Variants in EML1 observed in about 807,000 individuals in gnomAD.
EML1 encodes EMAP like 1.
A neutral mutation model predicts 110.4 loss-of-function variants in EML1; 27 were observed. That is an observed-to-expected ratio of 0.24 (90% confidence interval 0.18 to 0.34). The LOEUF (loss-of-function observed/expected upper bound fraction) is 0.34. Ranked by LOEUF, EML1 falls within the 10% of genes least tolerant of loss-of-function variation. The pLI, the probability that EML1 is intolerant of heterozygous loss-of-function variation, is 1.00. For synonymous variants in EML1, 344 were observed against 385.8 expected (o/e 0.89, Z 1.27); for missense variants, 741 against 1,030.9 (o/e 0.72, Z 3.85).
At chr14:99,860,267 A>AT (rs933188138) in intron 2 of EML1, among the ~76,000 whole-genome samples, 11 of 150,950 alleles carry the variant, frequency 7.3e-5, no homozygotes, top group South Asian at 2.1e-4. Flanking sequence ...GAAAAAGTTA[A>AT]TTTTTTTTTT....
chr14:99,891,266 C>A, intron 5 of EML1, 39 bp downstream of exon 5: 1 of 1,613,022 alleles, frequency 6.2e-7, no homozygotes, highest in African/African-American at 1.3e-5. Flanking sequence ...ACCCCTCACT[C>A]ACTCTCTCAG....
At chr14:99,740,223 G>C (rs2057026477) in intron 1 of EML1, among the ~76,000 whole-genome samples, 1 of 152,194 alleles carries the variant, frequency 6.6e-6, no homozygotes, top group East Asian at 1.9e-4. Flanking sequence ...GAACACTGAA[G>C]CTCAGAGAGG....
At chr14:99,898,628 C>A (rs1256437780) in intron 8 of EML1, among the ~76,000 whole-genome samples, 2 of 151,794 alleles carry the variant, frequency 1.3e-5, no homozygotes, top group African/African-American at 4.8e-5. Context: ...GTCACATGAC[C>A]GTAGTCCCAG....
intron 2 of EML1, among the ~76,000 whole-genome samples, chr14:99,852,508 A>T (rs2139837165): frequency 6.6e-6 from 1 of 152,322 alleles, no homozygotes; most frequent in East Asian, 1.9e-4. Flanking sequence ...CCAGCTACTC[A>T]GGAGGCTGAG....
rs773928000 is a variant in EML1, at chr14:99,914,309, G to A, written c.1620+5G>A. On this transcript the variant is annotated splice_donor_5th_base_variant and intron_variant, in intron 14 of 21. Coordinates refer to ENST00000262233, the MANE Select transcript of EML1 (RefSeq NM_004434.3). The stretch of plus-strand genomic sequence containing the variant: ...GACTTCACACCCATTACTCAGGTAC[G>A]ATCCCACTCAGCAGGCCCGGCAAAC... The A allele has an allele frequency of 9.3e-6, 15 of 1,604,322 alleles. No individual in the cohort carries two copies. In the Middle Eastern group the frequency reaches 5.0e-4, roughly 53 times the overall value.
intron 17 of EML1, among the ~76,000 whole-genome samples, chr14:99,925,688 A>G (rs1255266845): frequency 6.6e-6 from 1 of 152,178 alleles, no homozygotes; most frequent in Non-Finnish European, 1.5e-5. Flanking sequence ...GGCCGTTTCC[A>G]TGTCGGCCTG....
chr14:99,756,023 C>A (rs1319813894), intron 1 of EML1, among the ~76,000 whole-genome samples: 2 of 152,230 alleles, frequency 1.3e-5, no homozygotes, highest in African/African-American at 4.8e-5. Context: ...TGGCCCACAG[C>A]CCCTCGCCTA....
chr14:99,869,159 A>C (rs1181003638), intron 3 of EML1, among the ~76,000 whole-genome samples: 1 of 152,188 alleles, frequency 6.6e-6, no homozygotes, highest in East Asian at 1.9e-4. Flanking sequence ...TGTGCTTTAG[A>C]GATACCACAT....
At chr14:99,914,396 G>C (rs144751336) in intron 14 of EML1, 92 bp downstream of exon 14, 18 of 1,551,868 alleles carry the variant, frequency 1.2e-5, no homozygotes, top group Non-Finnish European at 1.5e-5. Flanking sequence ...TTTATACTAC[G>C]ATAACCTTCC....
At chr14:99,894,145 G>A (rs1236815340) in intron 5 of EML1, among the ~76,000 whole-genome samples, 1 of 151,868 alleles carries the variant, frequency 6.6e-6, no homozygotes, top group Non-Finnish European at 1.5e-5. Context: ...TGAAAGAATT[G>A]TTCAGTTAAA....
chr14:99,917,717 G>A (rs1445554139), intron 15 of EML1, 65 bp from the exon 16 acceptor site: 15 of 1,521,314 alleles, frequency 9.9e-6, no homozygotes, highest in Non-Finnish European at 1.4e-5. Flanking sequence ...GCACTCACGT[G>A]TGTGTGTTTT....
chr14:99,771,303 T>C (rs898074967), upstream of EML1, among the ~76,000 whole-genome samples: 1 of 152,218 alleles, frequency 6.6e-6, no homozygotes, highest in Non-Finnish European at 1.5e-5. Context: ...TTTTGCCTAT[T>C]CTGGACGTTT....
intron 17 of EML1, among the ~76,000 whole-genome samples, chr14:99,935,304 A>G (rs2140131241): frequency 6.6e-6 from 1 of 151,700 alleles, no homozygotes; most frequent in East Asian, 2.0e-4. Context: ...CGAGACCCCA[A>G]CTCTACAAAA....
At chr14:99,938,516 A>G (rs1333567990) in intron 20 of EML1, among the ~76,000 whole-genome samples, 1 of 152,158 alleles carries the variant, frequency 6.6e-6, no homozygotes, top group African/African-American at 2.4e-5. Context: ...AGCCACAGGT[A>G]TTGTTGAAAG....
chr14:99,764,941 T>A (rs1336809061), intron 1 of EML1, among the ~76,000 whole-genome samples: 1 of 152,094 alleles, frequency 6.6e-6, no homozygotes, highest in East Asian at 1.9e-4. Flanking sequence ...GGTGTTGTTG[T>A]TGTTGTCGTT....
At chr14:99,894,854 A>T in intron 6 of EML1, 96 bp downstream of exon 6, 1 of 1,424,300 alleles carries the variant, frequency 7.0e-7, no homozygotes, top group Non-Finnish European at 9.2e-7. Context: ...AGTCCTCTTA[A>T]GCTTTTAAAA....
intron 8 of EML1, among the ~76,000 whole-genome samples, chr14:99,898,714 T>A (rs1231759007): frequency 6.8e-6 from 1 of 147,694 alleles, no homozygotes; most frequent in Non-Finnish European, 1.5e-5. Flanking sequence ...ATCATGCCAC[T>A]GCACTCCATC....
In EML1 at chr14:99,905,836, C is replaced by T. The variant is rs1595461691; in HGVS notation, c.1009-1802C>T. Among the ~76,000 whole-genome samples the T allele has an allele frequency of 6.6e-6, 1 of 152,200 alleles. No individual in the cohort carries two copies. Among genetic ancestry groups the T allele is most frequent in the East Asian group, 1.9e-4 (1 of 5,176 alleles). ...CCCAAGGTCTGTCTAGCGTCCTTGCCTTTTATTAAGAGGGGCCTTTAACCC... is the reference window on the plus strand; with the variant it reads ...CCCAAGGTCTGTCTAGCGTCCTTGCTTTTTATTAAGAGGGGCCTTTAACCC... On this transcript the variant is annotated intron_variant, in intron 9 of 21. Transcript: ENST00000262233. This position sits in a 1 kb window ranked among gnomAD's most constrained non-coding sequence, Gnocchi z 4.1.
chr14:99,922,555 T>C (rs980521551), intron 17 of EML1, among the ~76,000 whole-genome samples: 7 of 152,246 alleles, frequency 4.6e-5, no homozygotes, highest in South Asian at 4.1e-4. Context: ...GGTAAACTTA[T>C]GTTTAACATT....
Sources: allele counts gnomAD v4.1 joint callset (sites outside exome capture counted in the v4.1 genomes callset), GRCh38; gene constraint gnomAD v4.1.1; non-coding constraint Gnocchi (gnomAD v3.1); transcripts MANE v1.5; gene names NCBI Gene and HGNC (gene_info 2026-07-23, HGNC 2026-07-21).